The following MKLN1 variants were observed in gnomAD, a reference collection of about 807,000 sequenced individuals.
The protein encoded by MKLN1 is muskelin.
A neutral mutation model predicts 99.0 loss-of-function variants in MKLN1; 18 were observed. The observed-to-expected ratio is 0.18, with a 90% CI of 0.13 to 0.27. MKLN1 has a LOEUF of 0.27. Ranked by LOEUF, MKLN1 falls within the 10% of genes least tolerant of loss-of-function variation. MKLN1 has a pLI of 1.00. For missense variants in MKLN1, 621 were observed against 875.9 expected (o/e 0.71, Z 3.67); for synonymous variants, 288 against 293.2 (o/e 0.98, Z 0.18).
intron 2 of MKLN1, among the ~76,000 whole-genome samples, chr7:131,173,146 C>CACACAA (rs1796241432): frequency 6.6e-6 from 1 of 151,638 alleles, no homozygotes; most frequent in African/African-American, 2.4e-5. Context: ...TACAAACACA[C>CACACAA]ACACACACAC....
intron 3 of MKLN1, among the ~76,000 whole-genome samples, chr7:131,214,266 A>G (rs1796947109): frequency 6.6e-6 from 1 of 152,090 alleles, no homozygotes; most frequent in Admixed American, 6.6e-5. Flanking sequence ...AGCCCGTCAT[A>G]GTAATCCCAT....
chr7:131,183,321 A>C (rs1796401866), intron 2 of MKLN1, among the ~76,000 whole-genome samples: 1 of 152,150 alleles, frequency 6.6e-6, no homozygotes, highest in South Asian at 2.1e-4. Flanking sequence ...TCTGAGACTT[A>C]AGTGCTTTCT....
chr7:131,172,233 G>A (rs984339742), intron 2 of MKLN1, among the ~76,000 whole-genome samples: 5 of 150,466 alleles, frequency 3.3e-5, no homozygotes, highest in South Asian at 2.1e-4. Context: ...CTCTGACTCC[G>A]GGGTTCAGGC....
intron 3 of MKLN1, among the ~76,000 whole-genome samples, chr7:131,281,394 A>G (rs1271243926): frequency 6.6e-6 from 1 of 152,080 alleles, no homozygotes; most frequent in African/African-American, 2.4e-5. Flanking sequence ...CCATTCATCT[A>G]TATGTGTATC....
chr7:131,191,356 G>A (rs551478741), intron 2 of MKLN1, among the ~76,000 whole-genome samples: 1 of 152,258 alleles, frequency 6.6e-6, no homozygotes, highest in Admixed American at 6.5e-5. Context: ...GCATCAAGCC[G>A]GCGAAGATTC....
At chr7:131,150,485 T>TCTAA (rs1554529001) in intron 2 of MKLN1, among the ~76,000 whole-genome samples, 1 of 151,884 alleles carries the variant, frequency 6.6e-6, no homozygotes, top group Non-Finnish European at 1.5e-5. Context: ...AGACCCTGTC[T>TCTAA]CAAACAAACA....
In MKLN1 at chr7:131,159,661, A is replaced by C. The variant is rs180861944; in HGVS notation, c.-297+16720A>C. On this transcript the variant is annotated intron_variant, in intron 2 of 7. Coordinates refer to the MKLN1 transcript ENST00000416992. ...AAATTATAGTATTCAGCAGTACAGT[A>C]GGGAAATTAAAGTTGACTATAATTT... is the stretch of plus-strand genomic sequence containing the variant. Among the ~76,000 whole-genome samples the C allele has an allele frequency of 2.8e-3, 425 of 152,352 alleles. 5 individuals carry two copies. The highest frequency in any genetic ancestry group is 2.6e-3 in the Non-Finnish European group (179 of 68,034).
At chr7:131,203,040 G>T (rs1035555373) in intron 3 of MKLN1, 1 of 152,164 alleles carries the variant, frequency 6.6e-6, no homozygotes, top group African/African-American at 2.4e-5. Flanking sequence ...CATCTATGTC[G>T]TATACTGTGC....
chr7:131,407,595 C>CT (rs1187537268), intron 6 of MKLN1, among the ~76,000 whole-genome samples: 1 of 151,418 alleles, frequency 6.6e-6, no homozygotes, highest in Admixed American at 6.6e-5. Context: ...CCTTTTTTCT[C>CT]TTTAAGATTT....
chr7:131,224,978 C>T (rs1034206903), intron 3 of MKLN1, among the ~76,000 whole-genome samples: 1 of 150,914 alleles, frequency 6.6e-6, no homozygotes, highest in Non-Finnish European at 1.5e-5. Context: ...GAGGCTGAGG[C>T]AGGAGAATGG....
intron 3 of MKLN1, among the ~76,000 whole-genome samples, chr7:131,265,422 G>A (rs192128375): frequency 1.5e-3 from 229 of 151,574 alleles, no homozygotes; most frequent in African/African-American, 5.4e-3. Flanking sequence ...TTGCTCCTTC[G>A]GCCTCTTTCT....
At chr7:131,411,490 G>A (rs1794872485) in intron 7 of MKLN1, 107 bp downstream of exon 7, 4 of 765,598 alleles carry the variant, frequency 5.2e-6, no homozygotes, top group Non-Finnish European at 9.0e-6. Context: ...AAAAGAAGAT[G>A]TTGGCCAGTT....
intron 2 of MKLN1, among the ~76,000 whole-genome samples, chr7:131,186,065 G>A (rs1368339049): frequency 2.6e-5 from 4 of 152,086 alleles, no homozygotes; most frequent in Admixed American, 6.5e-5. Context: ...AGTGGCACGC[G>A]CCTGTAATCC....
intron 16 of MKLN1, chr7:131,471,752 C>A (rs965265711): frequency 1.3e-5 from 2 of 152,182 alleles, no homozygotes; most frequent in Non-Finnish European, 2.9e-5. Flanking sequence ...CGTGTTAGCT[C>A]CTGCCTTGCT....
rs1339991265 is a variant in MKLN1, at chr7:131,252,333, T to TC, written c.-179+49359_-179+49360insC. ...GTGAAAGGACTTTTTTCTTTTCTTTTTTTTTTTTTTTTTGAGATGGAGTCT... is the reference window on the plus strand; with the variant it reads ...GTGAAAGGACTTTTTTCTTTTCTTTTCTTTTTTTTTTTTTGAGATGGAGTCT... On this transcript the variant is annotated intron_variant, in intron 3 of 7. Transcript: ENST00000416992. Among the ~76,000 whole-genome samples the TC allele has an allele frequency of 4.8e-5, 7 of 144,912 alleles. No individual in the cohort carries two copies. The South Asian group carries it at 1.4e-3, about 29-fold the overall frequency.
At chr7:131,175,447 T>C (rs1796284905) in intron 2 of MKLN1, among the ~76,000 whole-genome samples, 1 of 152,182 alleles carries the variant, frequency 6.6e-6, no homozygotes, top group Non-Finnish European at 1.5e-5. Flanking sequence ...CAACATTTTT[T>C]AAAAGAGAGG....
intron 3 of MKLN1, among the ~76,000 whole-genome samples, chr7:131,211,898 G>A (rs1316779034): frequency 6.6e-6 from 1 of 152,186 alleles, no homozygotes; most frequent in East Asian, 1.9e-4. Flanking sequence ...CTTTACTAGT[G>A]TCTCCTCATC....
chr7:131,443,601 A>G lies in MKLN1; in HGVS notation c.1294A>G (p.Asn432Asp), dbSNP rs760728390. The G allele has an allele frequency of 4.3e-6, 7 of 1,614,116 alleles. No homozygotes were observed. The highest frequency in any genetic ancestry group is 3.3e-4 in the Middle Eastern group (2 of 6,058). ...ACAATTCAGTGGCTTGTTTGCTTTC[A>G]ACTGTCAATGTCAAACCTGGAAACT... ...EPQFSGLFAF[N>D]CQCQTWKLLR... Residue 432 changes from asparagine to aspartate, a missense_variant, in exon 11 of 18, where the codon AAC becomes GAC. Transcript: ENST00000352689.
intron 9 of MKLN1, among the ~76,000 whole-genome samples, chr7:131,435,038 A>G (rs1333780549): frequency 6.6e-6 from 1 of 152,182 alleles, no homozygotes; most frequent in African/African-American, 2.4e-5. Context: ...AAGTCTTTCT[A>G]TTCCTATTTT....
Sources: allele counts gnomAD v4.1 joint callset (sites outside exome capture counted in the v4.1 genomes callset), GRCh38; gene constraint gnomAD v4.1.1; transcripts MANE v1.5; gene names NCBI Gene and HGNC (gene_info 2026-07-23, HGNC 2026-07-21).